Variants in RAB28 observed in about 807,000 individuals in gnomAD.
The protein encoded by RAB28 is RAB28, member RAS oncogene family.
Under a neutral mutation model 31.7 loss-of-function variants are expected in RAB28, and 24 were observed. The observed-to-expected ratio is 0.76, with a 90% CI of 0.55 to 1.06. The LOEUF is 1.06. RAB28 is among the 50% of genes least tolerant of loss of function. The pLI, the probability that RAB28 is intolerant of heterozygous loss-of-function variation, is 0.00. For synonymous variants in RAB28, 100 were observed against 90.4 expected (o/e 1.11, Z -0.60); for missense variants, 254 against 258.5 (o/e 0.98, Z 0.12).
intron 4 of RAB28, among the ~76,000 whole-genome samples, chr4:13,440,661 A>G (rs977678728): frequency 4.6e-5 from 7 of 152,182 alleles, no homozygotes; most frequent in South Asian, 2.1e-4. Context: ...ACATCAGATC[A>G]CAATGGCTCT....
At chr4:13,417,618 G>T (rs947731318) in intron 4 of RAB28, among the ~76,000 whole-genome samples, 1 of 152,192 alleles carries the variant, frequency 6.6e-6, no homozygotes, top group African/African-American at 2.4e-5. Context: ...GTCTGGAGTG[G>T]ACCTCCAGCA....
At chr4:13,392,647 T>C (rs1729689805) in intron 4 of RAB28, among the ~76,000 whole-genome samples, 1 of 152,192 alleles carries the variant, frequency 6.6e-6, no homozygotes, top group South Asian at 2.1e-4. Context: ...TAATAAGGTA[T>C]TGTATTCTTG....
At chr4:13,468,334 G>T (rs866646409) in intron 3 of RAB28, among the ~76,000 whole-genome samples, 1 of 151,734 alleles carries the variant, frequency 6.6e-6, no homozygotes, top group Non-Finnish European at 1.5e-5. Context: ...ACTACATTCT[G>T]GGCCATAAAA....
chr4:13,475,396 G>C (rs1716307537), intron 2 of RAB28, among the ~76,000 whole-genome samples: 1 of 150,928 alleles, frequency 6.6e-6, no homozygotes, highest in African/African-American at 2.4e-5. Flanking sequence ...CAAATCAAAA[G>C]AAAATAAAAG....
intron 4 of RAB28, among the ~76,000 whole-genome samples, chr4:13,443,955 G>C (rs1714552714): frequency 6.6e-6 from 1 of 151,288 alleles, no homozygotes; most frequent in East Asian, 1.9e-4. Context: ...TCTGTGCCTG[G>C]CTTATTTTAC....
At chr4:13,422,155 T>C (rs560809417) in intron 4 of RAB28, among the ~76,000 whole-genome samples, 157 of 151,990 alleles carry the variant, frequency 1.0e-3, no homozygotes, top group African/African-American at 3.7e-3. Context: ...GAAAAAATGC[T>C]CATCATCACT....
At chr4:13,402,532 T>TA (rs1424775170) in intron 4 of RAB28, among the ~76,000 whole-genome samples, 1 of 152,216 alleles carries the variant, frequency 6.6e-6, no homozygotes, top group African/African-American at 2.4e-5. Context: ...TTTCTCATGT[T>TA]AATATAGTTA....
At chr4:13,389,955 C>T (rs941596130) in intron 4 of RAB28, among the ~76,000 whole-genome samples, 1 of 152,182 alleles carries the variant, frequency 6.6e-6, no homozygotes, top group Non-Finnish European at 1.5e-5. Context: ...CAATGTCATA[C>T]TGAATGGGCA....
chr4:13,472,428 A>T lies in RAB28; in HGVS notation c.261+1890T>A, dbSNP rs1017983424. Among the ~76,000 whole-genome samples, 38 of 151,526 alleles carry T rather than the reference A, an allele frequency of 2.5e-4. 1 individual carries two copies. The highest frequency in any genetic ancestry group is 2.5e-3 in the Admixed American group (38 of 15,160). ...TAAATAAATTAGATAATAAATTTTT[A>T]AATGACTTGAAGATAGAATTAACAG... On this transcript the variant is annotated intron_variant, in intron 3 of 6. Coordinates refer to ENST00000330852, the MANE Select transcript of RAB28 (RefSeq NM_001017979.3).
intron 4 of RAB28, among the ~76,000 whole-genome samples, chr4:13,406,138 C>T (rs1007303556): frequency 6.6e-6 from 1 of 152,186 alleles, no homozygotes; most frequent in East Asian, 1.9e-4. Flanking sequence ...TCTCCTAACA[C>T]TATCCCTCTC....
intron 4 of RAB28, among the ~76,000 whole-genome samples, chr4:13,383,673 C>A (rs577011932): frequency 3.9e-5 from 6 of 152,150 alleles, no homozygotes; most frequent in Non-Finnish European, 7.4e-5. Context: ...TGGAAGGTAA[C>A]TGAATCATGG....
At chr4:13,420,795 A>G (rs1713088189) in intron 4 of RAB28, among the ~76,000 whole-genome samples, 1 of 152,198 alleles carries the variant, frequency 6.6e-6, no homozygotes, top group African/African-American at 2.4e-5. Context: ...CCCACAGCCA[A>G]TATCATACTG....
chr4:13,433,561 C>T (rs757469716), intron 4 of RAB28, among the ~76,000 whole-genome samples: 5 of 151,944 alleles, frequency 3.3e-5, no homozygotes, highest in African/African-American at 4.8e-5. Flanking sequence ...AGAAAAAATG[C>T]CCAACATCAC....
intron 1 of RAB28, among the ~76,000 whole-genome samples, chr4:13,480,654 T>G (rs1716568308): frequency 6.6e-6 from 1 of 151,916 alleles, no homozygotes; most frequent in Non-Finnish European, 1.5e-5. Context: ...AATGGCAATT[T>G]GGACACCATA....
chr4:13,462,522 A>C (rs1238451883), intron 3 of RAB28, among the ~76,000 whole-genome samples: 1 of 152,202 alleles, frequency 6.6e-6, no homozygotes, highest in African/African-American at 2.4e-5. Context: ...AAAATTTAAC[A>C]ATTAACTCTC....
rs183101817 is a variant in RAB28, at chr4:13,424,749, G to C, written c.391+35950C>G. Among the ~76,000 whole-genome samples the C allele has an allele frequency of 4.6e-4, 70 of 152,254 alleles. No homozygotes were observed. In the South Asian group the frequency reaches 5.6e-3, roughly 12 times the overall value. Reference sequence around the variant, plus strand: ...CCAATAAGTGATCCATGTTCCTGAAGTTAAACCCTCTTTTTGTAGACTGGA... The same window carrying C: ...CCAATAAGTGATCCATGTTCCTGAACTTAAACCCTCTTTTTGTAGACTGGA... On this transcript the variant is annotated intron_variant, in intron 4 of 6. Transcript: ENST00000330852.
chr4:13,420,175 C>T (rs1367558127), intron 4 of RAB28, among the ~76,000 whole-genome samples: 1 of 152,100 alleles, frequency 6.6e-6, no homozygotes, highest in South Asian at 2.1e-4. Flanking sequence ...GATACATTCC[C>T]GGAAACATAC....
Position 13,474,328 on chromosome 4 carries a change from T to G in RAB28, c.251A>C (p.Tyr84Ser). Residue 84 changes from tyrosine to serine, a missense_variant, in exon 3 of 7, where the codon TAT becomes TCT. Physicochemically the swap from Tyr to Ser is moderately radical, Grantham distance 144 (BLOSUM62 -2). Coordinates refer to ENST00000330852, the MANE Select transcript of RAB28 (RefSeq NM_001017979.3). ...IGGKMLDKYIYGAQGVLLVYD... is the reference protein window; with the variant it reads ...IGGKMLDKYISGAQGVLLVYD... ...GAATTCATATCATACCTGTGCTCCA[T>G]AGATATATTTATCCAACATTTTGCC... 3 of 1,584,742 alleles carry G rather than the reference T, an allele frequency of 1.9e-6. No homozygotes were observed. Among genetic ancestry groups the G allele is most frequent in the Non-Finnish European group, 2.6e-6 (3 of 1,156,380 alleles).
chr4:13,433,994 A>C (rs1002487535), intron 4 of RAB28, among the ~76,000 whole-genome samples: 2 of 152,180 alleles, frequency 1.3e-5, no homozygotes, highest in African/African-American at 4.8e-5. Flanking sequence ...AAAAAGAACT[A>C]AATCATGTCC....
Sources: gnomAD v4.1 joint callset for allele counts (sites outside exome capture counted in the v4.1 genomes callset) on GRCh38, gnomAD v4.1.1 for gene constraint, MANE v1.5 for transcripts, NCBI Gene and HGNC (gene_info 2026-07-23, HGNC 2026-07-21) for gene names.